AGBL3: variants seen among roughly 807,000 people sequenced by gnomAD.
The protein encoded by AGBL3 is AGBL carboxypeptidase 3.
AGBL3 carries 68 observed loss-of-function variants against 94.5 expected under a neutral mutation model. That is an observed-to-expected ratio of 0.72 (90% confidence interval 0.59 to 0.88). The LOEUF (loss-of-function observed/expected upper bound fraction) is 0.88, where lower values mean the gene tolerates loss of function less well. Among genes scored for constraint, AGBL3 ranks in the 40% least tolerant of loss-of-function variants. The probability of loss-of-function intolerance (pLI) is 0.00; values close to 1 mark genes in which losing one functional copy is unlikely to be tolerated. For missense variants in AGBL3, 934 were observed against 1,103.8 expected (o/e 0.85, Z 2.18); for synonymous variants, 354 against 370.7 (o/e 0.95, Z 0.52).
chr7:135,036,128 C>T (rs1243782519), intron 7 of AGBL3, among the ~76,000 whole-genome samples: 1 of 151,930 alleles, frequency 6.6e-6, no homozygotes, highest in African/African-American at 2.4e-5. Context: ...ATTATAAATA[C>T]TATTGCTAAC....
chr7:135,068,483 G>A (rs527657093), intron 12 of AGBL3, among the ~76,000 whole-genome samples: 2 of 152,282 alleles, frequency 1.3e-5, no homozygotes, highest in East Asian at 3.9e-4. Flanking sequence ...GGCAGCCAGA[G>A]AGAAAGGTCG....
At chr7:135,113,655 C>A (rs2117166604) in intron 15 of AGBL3, among the ~76,000 whole-genome samples, 1 of 152,338 alleles carries the variant, frequency 6.6e-6, no homozygotes, top group African/African-American at 2.4e-5. Context: ...AGTATGTAGA[C>A]TCTAAATTGT....
chr7:135,034,477 G>C lies in AGBL3; in HGVS notation c.886G>C (p.Ala296Pro). 6.4e-7 allele frequency: 1 copy of C among 1,551,722 alleles called. No homozygotes were observed. Among genetic ancestry groups the C allele is most frequent in the Non-Finnish European group, 8.7e-7 (1 of 1,146,998 alleles). ...ACACAACAAAGATACCTGCTACTTT[G>C]CTCATTGCTATCCATACACTTACAC... ...FPHNKDTCYF[A>P]HCYPYTYTNL... The change falls in exon 7 of 17, where the codon GCT becomes CCT. Residue 296 changes from alanine (A) to proline (P), a missense_variant. Physicochemically the swap from Ala to Pro is conservative, Grantham distance 27. Around this residue, in one of 3 missense-constraint regions of AGBL3, gnomAD observed 488 missense variants for 563.6 expected, o/e 0.87. Transcript: ENST00000436302.
chr7:135,077,337 T>C (rs1290781556), intron 13 of AGBL3, among the ~76,000 whole-genome samples: 1 of 152,094 alleles, frequency 6.6e-6, no homozygotes, highest in Non-Finnish European at 1.5e-5. Context: ...AAATGATGGT[T>C]CCACACTGGG....
chr7:134,994,839 T>C (rs1810791117), intron 4 of AGBL3, among the ~76,000 whole-genome samples: 1 of 152,182 alleles, frequency 6.6e-6, no homozygotes, highest in Admixed American at 6.5e-5. Flanking sequence ...GAATTCATGC[T>C]TAATAGTACT....
intron 11 of AGBL3, among the ~76,000 whole-genome samples, chr7:135,054,964 C>T (rs1470442273): frequency 6.6e-6 from 1 of 152,206 alleles, no homozygotes; most frequent in Non-Finnish European, 1.5e-5. Flanking sequence ...AGCACCTGCT[C>T]AGCTTCTGGT....
At chr7:134,987,667 G>C (rs1459336957) in intron 1 of AGBL3, among the ~76,000 whole-genome samples, 2 of 152,140 alleles carry the variant, frequency 1.3e-5, no homozygotes, top group Non-Finnish European at 2.9e-5. Flanking sequence ...TGATTTGCTT[G>C]ATTTGTCTTA....
intron 16 of AGBL3, among the ~76,000 whole-genome samples, chr7:135,127,493 C>T (rs1488058653): frequency 6.6e-6 from 1 of 151,442 alleles, no homozygotes; most frequent in Non-Finnish European, 1.5e-5. Context: ...GCGGAGGTTG[C>T]AGTGAGCCAA....
intron 4 of AGBL3, among the ~76,000 whole-genome samples, chr7:135,000,610 C>T (rs899823884): frequency 6.6e-6 from 1 of 152,202 alleles, no homozygotes; most frequent in Non-Finnish European, 1.5e-5. Context: ...TGTATATACG[C>T]ATATGTGTAT....
chr7:135,094,956 G>A (rs762867471), intron 15 of AGBL3, among the ~76,000 whole-genome samples: 1 of 152,174 alleles, frequency 6.6e-6, no homozygotes, highest in Non-Finnish European at 1.5e-5. Flanking sequence ...ATTGTTGAGA[G>A]CACAGATGTT....
chr7:135,097,977 G>T (rs1823167224), intron 15 of AGBL3, among the ~76,000 whole-genome samples: 1 of 152,122 alleles, frequency 6.6e-6, no homozygotes, highest in African/African-American at 2.4e-5. Flanking sequence ...AGAAAGAGAA[G>T]TTTAACTTAT....
intron 14 of AGBL3, 41 bp downstream of exon 14, chr7:135,080,301 T>C: frequency 2.7e-6 from 4 of 1,508,136 alleles, no homozygotes; most frequent in Non-Finnish European, 3.6e-6. Flanking sequence ...AATTAATTCA[T>C]TTACTCAACT....
chr7:135,075,289 A>G (rs1245631142), intron 12 of AGBL3, among the ~76,000 whole-genome samples: 3 of 152,206 alleles, frequency 2.0e-5, no homozygotes, highest in Non-Finnish European at 4.4e-5. Flanking sequence ...TGTATCATTC[A>G]CAAATGTTTT....
chr7:135,125,465 C>T (rs903768977), intron 16 of AGBL3, among the ~76,000 whole-genome samples: 17 of 152,172 alleles, frequency 1.1e-4, no homozygotes, highest in African/African-American at 4.1e-4. Context: ...ACCAGAAGTA[C>T]AAAGAAGAGC....
At chr7:135,127,187 C>A (rs1827997447) in intron 16 of AGBL3, among the ~76,000 whole-genome samples, 1 of 152,188 alleles carries the variant, frequency 6.6e-6, no homozygotes, top group South Asian at 2.1e-4. Context: ...AAACAGACAA[C>A]CCCATCAAAA....
chr7:135,059,520 C>T (rs2116690369), intron 12 of AGBL3, among the ~76,000 whole-genome samples: 1 of 152,300 alleles, frequency 6.6e-6, no homozygotes, highest in South Asian at 2.1e-4. Flanking sequence ...CATACATCAC[C>T]TGACTGCTTA....
chr7:135,123,584 A>G (rs192593710), intron 16 of AGBL3, among the ~76,000 whole-genome samples: 2 of 152,174 alleles, frequency 1.3e-5, no homozygotes, highest in Non-Finnish European at 2.9e-5. Context: ...CCCAAGACAC[A>G]TAATCTTCAG....
intron 12 of AGBL3, among the ~76,000 whole-genome samples, chr7:135,064,928 G>A (rs1414901241): frequency 6.6e-6 from 1 of 152,114 alleles, no homozygotes; most frequent in African/African-American, 2.4e-5. Flanking sequence ...CTCAGATGAT[G>A]TCATTAAGAT....
At chr7:135,046,679 T>C (rs1563214365) in intron 11 of AGBL3, among the ~76,000 whole-genome samples, 3 of 152,118 alleles carry the variant, frequency 2.0e-5, no homozygotes, top group Non-Finnish European at 4.4e-5. Flanking sequence ...CTCAGTAATA[T>C]TCCATTGTCT....
Sources: allele counts gnomAD v4.1 joint callset (sites outside exome capture counted in the v4.1 genomes callset), GRCh38; gene constraint gnomAD v4.1.1; regional missense constraint gnomAD v4.1.1; transcripts MANE v1.5; gene names NCBI Gene and HGNC (gene_info 2026-07-23, HGNC 2026-07-21).